TMEM232: variants seen among roughly 807,000 people sequenced by gnomAD.
The protein encoded by TMEM232 is transmembrane protein 232.
TMEM232 carries 80 observed loss-of-function variants against 78.8 expected under a neutral mutation model. That is an observed-to-expected ratio of 1.01 (90% CI 0.85 to 1.22). TMEM232 has a LOEUF of 1.22. TMEM232 is among the 50% of genes most tolerant of loss of function. The pLI is 0.00. For synonymous variants in TMEM232, 297 were observed against 254.3 expected, an observed-to-expected ratio of 1.17 and a Z score of -1.60; for missense variants, 881 against 742.2, an observed-to-expected ratio of 1.19 and a Z score of -2.17.
intron 1 of TMEM232, among the ~76,000 whole-genome samples, chr5:110,726,107 TTCA>T (rs1798122824): frequency 2.6e-3 from 259 of 100,116 alleles, no homozygotes; most frequent in African/African-American, 0.017. Flanking sequence ...CCCTCTCTCT[TTCA>T]CACACACACA....
intron 13 of TMEM232, among the ~76,000 whole-genome samples, chr5:110,424,022 A>G (rs887158601): frequency 3.9e-5 from 6 of 152,174 alleles, no homozygotes; most frequent in African/African-American, 1.2e-4. Context: ...TCAAGGTATC[A>G]GTCAGTCTCC....
intron 1 of TMEM232, among the ~76,000 whole-genome samples, chr5:110,723,796 A>T (rs1797888592): frequency 6.6e-6 from 1 of 152,198 alleles, no homozygotes; most frequent in African/African-American, 2.4e-5. Flanking sequence ...GCTAAAGCTT[A>T]GTAGGGGATG....
At chr5:110,731,443 G>A (rs187479273), upstream of TMEM232, among the ~76,000 whole-genome samples, 52 of 152,312 alleles carry the variant, frequency 3.4e-4, no homozygotes, top group Non-Finnish European at 5.9e-4. Flanking sequence ...GGTTCTCCAT[G>A]AGGGCCCCAC....
At chr5:110,630,911 C>T (rs375563338) in intron 5 of TMEM232, among the ~76,000 whole-genome samples, 5 of 152,158 alleles carry the variant, frequency 3.3e-5, no homozygotes, top group South Asian at 2.1e-4. Context: ...CTGACACTAA[C>T]GTGGACAGTG....
intron 1 of TMEM232, among the ~76,000 whole-genome samples, chr5:110,688,199 T>C (rs545368019): frequency 5.9e-5 from 9 of 152,242 alleles, no homozygotes; most frequent in African/African-American, 1.9e-4. Flanking sequence ...AAATGTAGAA[T>C]TTCATTTCTA....
intron 8 of TMEM232, among the ~76,000 whole-genome samples, chr5:110,613,657 T>C (rs1782580122): frequency 6.6e-6 from 1 of 152,276 alleles, no homozygotes. Flanking sequence ...GGTGCCTCAA[T>C]ATTTCTTTTT....
intron 8 of TMEM232, among the ~76,000 whole-genome samples, 164 bp from the exon 9 acceptor site, chr5:110,606,451 A>C (rs1378798205): frequency 1.3e-5 from 2 of 152,116 alleles, no homozygotes; most frequent in Non-Finnish European, 2.9e-5. Flanking sequence ...TATGGTAAAA[A>C]TATGCAAAGA....
intron 2 of TMEM232, among the ~76,000 whole-genome samples, chr5:110,659,395 T>C (rs533261852): frequency 2.6e-5 from 4 of 152,030 alleles, no homozygotes; most frequent in South Asian, 2.1e-4. Context: ...CAAACATAGA[T>C]TGTTGGCCAA....
At chr5:110,475,779 C>G in intron 12 of TMEM232, among the ~76,000 whole-genome samples, 1 of 151,880 alleles carries the variant, frequency 6.6e-6, no homozygotes, top group Admixed American at 6.6e-5. Context: ...AATTGCAGCA[C>G]AAGCACCTGA....
Position 110,473,570 on chromosome 5 carries a change from T to C in TMEM232, c.1704-48654A>G, listed in dbSNP as rs1278300614. ...AAATGTATACACCTACTATGTACTC[T>C]CAAAAATTAAAAATTAAAAAATTAA... is the stretch of plus-strand genomic sequence containing the variant. On this transcript the variant is annotated intron_variant, in intron 12 of 13. Coordinates refer to ENST00000455884, the MANE Select transcript of TMEM232 (RefSeq NM_001039763.4). 3.3e-5 allele frequency among the ~76,000 whole-genome samples: 5 copies of C among 150,534 alleles called. 1 individual carries two copies. The highest frequency in any genetic ancestry group is 6.8e-3 in the Middle Eastern group (2 of 292).
intron 2 of TMEM232, among the ~76,000 whole-genome samples, chr5:110,664,512 A>T (rs183478417): frequency 6.6e-6 from 1 of 152,356 alleles, no homozygotes; most frequent in East Asian, 1.9e-4. Flanking sequence ...CTGAAACTGT[A>T]TCTCTTGAAG....
At chr5:110,394,246 C>T (rs374422410) in intron 3 of TMEM232, among the ~76,000 whole-genome samples, 2 of 152,134 alleles carry the variant, frequency 1.3e-5, no homozygotes, top group Admixed American at 1.3e-4. Flanking sequence ...AACATAATAA[C>T]CTCCAATTGC....
In TMEM232 at chr5:110,485,127, T is replaced by C. The variant is rs192413350; in HGVS notation, c.1703+43461A>G. On this transcript the variant is annotated intron_variant, in intron 12 of 13. Coordinates refer to ENST00000455884, the MANE Select transcript of TMEM232 (RefSeq NM_001039763.4). Reference sequence around the variant, plus strand: ...CTACCATTTGATCCAGGAATCCTACTACCCAGAAGAAAAGAAGTCATTTTC... The same window carrying C: ...CTACCATTTGATCCAGGAATCCTACCACCCAGAAGAAAAGAAGTCATTTTC... Among the ~76,000 whole-genome samples the C allele has an allele frequency of 2.6e-5, 4 of 151,846 alleles. No homozygotes were observed. In the East Asian group the frequency reaches 7.7e-4, roughly 29 times the overall value.
chr5:110,598,051 G>T (rs903913082), intron 10 of TMEM232, among the ~76,000 whole-genome samples: 44 of 152,210 alleles, frequency 2.9e-4, no homozygotes, highest in African/African-American at 1.0e-3. Flanking sequence ...CACAGCAAAA[G>T]AAACTACCAT....
intron 12 of TMEM232, among the ~76,000 whole-genome samples, chr5:110,488,407 T>C (rs962313401): frequency 1.3e-5 from 2 of 151,896 alleles, no homozygotes; most frequent in Non-Finnish European, 2.9e-5. Context: ...AGAATAAAAT[T>C]AGAAATAAAT....
chr5:110,545,006 CT>C (rs137936676), intron 11 of TMEM232, among the ~76,000 whole-genome samples: 11,381 of 152,062 alleles, frequency 0.075, 528 homozygotes, highest in South Asian at 0.2. Context: ...GGTACTTAAC[CT>C]CTCTGAGCAT....
At position 110,584,776 on chromosome 5, in the gene TMEM232, T is replaced by C. The variant is rs376002676; in HGVS notation, c.1277-16151A>G. On this transcript the variant is annotated intron_variant, in intron 10 of 13. Coordinates refer to ENST00000455884, the MANE Select transcript of TMEM232 (RefSeq NM_001039763.4). ...TGCTGAAGGATCTTAATATAATTCTTACTACTGTAACAAAGAAATTTACAA... is the reference window on the plus strand; with the variant it reads ...TGCTGAAGGATCTTAATATAATTCTCACTACTGTAACAAAGAAATTTACAA... Among the ~76,000 whole-genome samples, 9 of 152,228 alleles carry C rather than the reference T, an allele frequency of 5.9e-5. 1 individual carries two copies. Among genetic ancestry groups the C allele is most frequent in the East Asian group, 5.8e-4 (3 of 5,168 alleles).
intron 12 of TMEM232, among the ~76,000 whole-genome samples, chr5:110,507,414 A>G (rs1485685529): frequency 6.6e-6 from 1 of 152,130 alleles, no homozygotes; most frequent in Non-Finnish European, 1.5e-5. Context: ...TACCTCCACC[A>G]TCTTCACCAC....
intron 10 of TMEM232, among the ~76,000 whole-genome samples, chr5:110,585,841 C>T (rs1020533786): frequency 7.9e-5 from 12 of 152,070 alleles, no homozygotes; most frequent in Non-Finnish European, 1.6e-4. Flanking sequence ...GTTCCAGGCC[C>T]TTCTCACCCT....
Sources: allele counts gnomAD v4.1 joint callset (sites outside exome capture counted in the v4.1 genomes callset), GRCh38; gene constraint gnomAD v4.1.1; transcripts MANE v1.5; gene names NCBI Gene and HGNC (gene_info 2026-07-23, HGNC 2026-07-21).